Variants in POU2F3 observed in about 807,000 individuals in gnomAD.
POU2F3 encodes the protein POU domain, class 2, transcription factor 3.
In POU2F3, 23 loss-of-function variants were observed where a neutral mutation model predicts 59.2. The observed-to-expected ratio is 0.39, with a 90% CI of 0.28 to 0.55. The LOEUF is 0.55. Ranked by LOEUF, POU2F3 falls within the 20% of genes least tolerant of loss-of-function variation. POU2F3 has a pLI of 0.66. For synonymous variants in POU2F3, 190 were observed against 214.6 expected (o/e 0.89, Z 1.00); for missense variants, 473 against 544.5 (o/e 0.87, Z 1.31).
chr11:120,305,024 T>C lies in POU2F3; in HGVS notation c.445-6T>C. On this transcript the variant is annotated splice_region_variant and splice_polypyrimidine_tract_variant and intron_variant, in intron 6 of 12. Transcript: ENST00000543440. ...TGGTGGATCTGCTTGGCGTGTTTCC[T>C]ATCAGGCATTTGGGCACCCTGGGCT... 6.3e-7 allele frequency: 1 copy of C among 1,595,314 alleles called. No individual in the cohort carries two copies. Among genetic ancestry groups the C allele is most frequent in the South Asian group, 1.1e-5 (1 of 88,876 alleles).
intron 3 of POU2F3, among the ~76,000 whole-genome samples, chr11:120,283,834 C>T (rs562758194): frequency 6.7e-6 from 1 of 149,286 alleles, no homozygotes; most frequent in Non-Finnish European, 1.5e-5. Flanking sequence ...CCCTGCCCAC[C>T]AGTCAGTGGA....
intron 1 of POU2F3, among the ~76,000 whole-genome samples, chr11:120,244,818 G>A (rs1938804639): frequency 6.6e-6 from 1 of 152,218 alleles, no homozygotes; most frequent in Non-Finnish European, 1.5e-5. Context: ...GAAGCCCTTT[G>A]CAAATGTGTC....
chr11:120,317,468 G>A (rs1244160294), intron 12 of POU2F3, 104 bp downstream of exon 12: 19 of 1,493,708 alleles, frequency 1.3e-5, no homozygotes, highest in Non-Finnish European at 1.7e-5. Flanking sequence ...GAAAGGGTTG[G>A]AAAAGAGGAA....
chr11:120,305,691 C>A lies in POU2F3; in HGVS notation c.675C>A (p.Ser225Arg). 1 of 1,614,030 alleles carries A rather than the reference C, an allele frequency of 6.2e-7. No individual in the cohort carries two copies. Among genetic ancestry groups the A allele is most frequent in the Non-Finnish European group, 8.5e-7 (1 of 1,180,036 alleles). ...AMGKLYGNDF[S>R]QTTISRFEAL... Reference sequence around the variant, plus strand: ...GAAAGCTGTATGGCAACGACTTCAGCCAGACCACCATCTCACGATTTGAGG... The same window carrying A: ...GAAAGCTGTATGGCAACGACTTCAGACAGACCACCATCTCACGATTTGAGG... The change falls in exon 8 of 13, where the codon AGC becomes AGA. Residue 225 changes from serine to arginine, a missense_variant. Coordinates refer to ENST00000543440, the MANE Select transcript of POU2F3 (RefSeq NM_014352.4).
chr11:120,237,549 T>C (rs1297163795), upstream of POU2F3, among the ~76,000 whole-genome samples: 1 of 152,162 alleles, frequency 6.6e-6, no homozygotes, highest in Non-Finnish European at 1.5e-5. Flanking sequence ...TCTCTGACTT[T>C]TGGAAAACTA....
chr11:120,299,078 G>C (rs1420143430), intron 4 of POU2F3, among the ~76,000 whole-genome samples: 2 of 152,126 alleles, frequency 1.3e-5, no homozygotes, highest in African/African-American at 4.8e-5. Context: ...GTCCTGGGCT[G>C]GTAGGAGAAA....
intron 5 of POU2F3, among the ~76,000 whole-genome samples, chr11:120,300,242 A>C (rs1941309616): frequency 6.6e-6 from 1 of 152,256 alleles, no homozygotes; most frequent in African/African-American, 2.4e-5. Context: ...AAGAGCAAAT[A>C]GATTGAACTA....
chr11:120,269,113 T>C, intron 2 of POU2F3, 97 bp from the exon 3 acceptor site: 1 of 908,498 alleles, frequency 1.1e-6, no homozygotes, highest in Non-Finnish European at 1.7e-6. Context: ...TTTTTCAAAA[T>C]AGAGCCACAC....
chr11:120,299,036 G>A (rs1177625218), intron 4 of POU2F3, among the ~76,000 whole-genome samples: 1 of 152,146 alleles, frequency 6.6e-6, no homozygotes, highest in Non-Finnish European at 1.5e-5. Flanking sequence ...AGGACTCCCC[G>A]ATCCCCCAAG....
chr11:120,287,627 C>T (rs1266311904), intron 3 of POU2F3, among the ~76,000 whole-genome samples: 1 of 152,184 alleles, frequency 6.6e-6, no homozygotes, highest in African/African-American at 2.4e-5. Context: ...AATTTGGTAG[C>T]TGCTCCCTAG....
rs551609723 is a variant in POU2F3 at position 120,266,256 on chromosome 11, C to T, written c.98-2954C>T. On this transcript the variant is annotated intron_variant, in intron 2 of 12. Coordinates refer to ENST00000543440, the MANE Select transcript of POU2F3 (RefSeq NM_014352.4). The stretch of plus-strand genomic sequence containing the variant: ...TTCTTTCCTCTGCCCTCCACATCCC[C>T]GCATCAGCCAGCCCTGTCAGCTGTC... Among the ~76,000 whole-genome samples the T allele has an allele frequency of 5.5e-4, 83 of 152,242 alleles. 1 individual carries two copies. In the South Asian group the frequency reaches 0.014, roughly 26 times the overall value.
intron 3 of POU2F3, among the ~76,000 whole-genome samples, chr11:120,297,193 T>C (rs934495477): frequency 2.0e-5 from 3 of 152,308 alleles, no homozygotes; most frequent in Admixed American, 2.0e-4. Context: ...TAAAGTCACA[T>C]GGACACCCTC....
At chr11:120,298,553 G>A (rs753133121) in intron 4 of POU2F3, among the ~76,000 whole-genome samples, 163 bp downstream of exon 4, 12 of 152,122 alleles carry the variant, frequency 7.9e-5, no homozygotes, top group South Asian at 2.1e-4. Flanking sequence ...TCTTACAGGT[G>A]AAGCCTAGCT....
chr11:120,271,357 A>G (rs1167422774), intron 3 of POU2F3, among the ~76,000 whole-genome samples: 8 of 152,246 alleles, frequency 5.3e-5, no homozygotes, highest in Admixed American at 5.2e-4. Context: ...TAGTTTGGCC[A>G]GGTTTGCTTC....
At chr11:120,306,132 A>G (rs1272640114) in intron 8 of POU2F3, among the ~76,000 whole-genome samples, 1 of 152,164 alleles carries the variant, frequency 6.6e-6, no homozygotes. Flanking sequence ...TGCTGTCTGG[A>G]ATAAGTCTAG....
chr11:120,258,042 G>A (rs1411542105), intron 2 of POU2F3, among the ~76,000 whole-genome samples: 1 of 152,176 alleles, frequency 6.6e-6, no homozygotes, highest in African/African-American at 2.4e-5. Context: ...GTTTTCAAGT[G>A]TGAGTTGCTT....
chr11:120,242,262 G>C (rs1938696430), intron 1 of POU2F3, among the ~76,000 whole-genome samples: 2 of 152,156 alleles, frequency 1.3e-5, no homozygotes, highest in Admixed American at 1.3e-4. Flanking sequence ...CTCTCTAACT[G>C]GGTCTCTATT....
Position 120,307,668 on chromosome 11 carries a change from G to A in POU2F3, c.906+53G>A. ...GTGGGCTACCTCACACAGGTAGGGAGAGCAGACACGGCCCAGGCCCCTTGG... is the reference window on the plus strand; with the variant it reads ...GTGGGCTACCTCACACAGGTAGGGAAAGCAGACACGGCCCAGGCCCCTTGG... On this transcript the variant is annotated intron_variant, in intron 9 of 12. Transcript: ENST00000543440. 3 of 1,606,396 alleles carry A rather than the reference G, an allele frequency of 1.9e-6. No homozygotes were observed. In the South Asian group the frequency reaches 3.3e-5, roughly 18 times the overall value.
chr11:120,279,320 C>T (rs551825851), intron 3 of POU2F3, among the ~76,000 whole-genome samples: 6 of 152,238 alleles, frequency 3.9e-5, no homozygotes, highest in Admixed American at 3.9e-4. Flanking sequence ...TATCTATTTC[C>T]TAGGGATGGC....
Sources: gnomAD v4.1 joint callset for allele counts (sites outside exome capture counted in the v4.1 genomes callset) on GRCh38, gnomAD v4.1.1 for gene constraint, MANE v1.5 for transcripts, NCBI Gene and HGNC (gene_info 2026-07-23, HGNC 2026-07-21) for gene names.